Variants in MED12L observed in about 807,000 individuals in gnomAD.
The protein encoded by MED12L is mediator of RNA polymerase II transcription subunit 12-like protein.
In MED12L, 60 loss-of-function variants were observed where a neutral mutation model predicts 281.3. The observed-to-expected ratio is 0.21, with a 90% CI of 0.17 to 0.26. The LOEUF (loss-of-function observed/expected upper bound fraction) is 0.26, where lower values mean the gene tolerates loss of function less well. Among genes scored for constraint, MED12L ranks in the 10% least tolerant of loss-of-function variants. The pLI is 1.00. For missense variants in MED12L, 2,146 were observed against 2,680.9 expected, an observed-to-expected ratio of 0.80 and a Z score of 4.41; for synonymous variants, 974 against 987.2, an observed-to-expected ratio of 0.99 and a Z score of 0.25.
At chr3:151,409,097 G>A (rs1716671855) in intron 39 of MED12L, 146 bp from the exon 40 acceptor site, 1 of 620,354 alleles carries the variant, frequency 1.6e-6, no homozygotes, top group African/African-American at 1.9e-5. Context: ...ATATTGATGA[G>A]AAATAATATT....
At chr3:151,140,579 G>C (rs1233401508) in intron 5 of MED12L, among the ~76,000 whole-genome samples, 2 of 152,196 alleles carry the variant, frequency 1.3e-5, no homozygotes, top group Non-Finnish European at 2.9e-5. Context: ...TTCCAAGTTA[G>C]AATGCTGGTG....
rs1719696828 is a variant in MED12L, at chr3:151,432,937, C to T, written c.*133C>T. 3.7e-6 allele frequency: 2 copies of T among 546,132 alleles called. No individual in the cohort carries two copies. Among genetic ancestry groups the T allele is most frequent in the Non-Finnish European group, 5.7e-6 (2 of 350,910 alleles). The allele number at this position is 546,132 out of a possible 1,614,324, so 33.8% of individuals were successfully genotyped here. ...CATTTTACTATATTTTATGCTACATCTCACAAAAAAAAAAAAAGGTGTTTA... is the reference window on the plus strand; with the variant it reads ...CATTTTACTATATTTTATGCTACATTTCACAAAAAAAAAAAAAGGTGTTTA... On this transcript the variant is annotated 3_prime_UTR_variant, in exon 45 of 45. Coordinates refer to ENST00000687756, the MANE Select transcript of MED12L (RefSeq NM_001393769.1).
At position 151,369,367 on chromosome 3, in the gene MED12L, G is replaced by T. The variant is rs1755899624; in HGVS notation, c.3551-69G>T. ...ACAGTCTAACAATGAAAGGCTGACT[G>T]CCTGTAAATAATTACAAAACATTAC... On this transcript the variant is annotated intron_variant, in intron 25 of 44. Coordinates refer to ENST00000687756, the MANE Select transcript of MED12L (RefSeq NM_001393769.1). 4 of 1,072,904 alleles carry T rather than the reference G, an allele frequency of 3.7e-6. No homozygotes were observed. In the Admixed American group the frequency reaches 6.6e-5, roughly 18 times the overall value. 66.5% of individuals were successfully genotyped at this position (1,072,904 alleles called of 1,614,324 possible).
intron 11 of MED12L, 46 bp downstream of exon 11, chr3:151,166,028 G>GT (rs750834117): frequency 1.1e-5 from 17 of 1,529,602 alleles, no homozygotes; most frequent in African/African-American, 2.8e-5. Flanking sequence ...TTTTCATAGT[G>GT]TTTTTTTCTT....
At chr3:151,187,991 G>A (rs1017352685) in intron 12 of MED12L, 1 of 158,274 alleles carries the variant, frequency 6.3e-6, no homozygotes, top group African/African-American at 2.4e-5. Context: ...ATGTAATACT[G>A]TGCAGAGTTT....
At chr3:151,339,858 G>T (rs1161885432) in intron 16 of MED12L, among the ~76,000 whole-genome samples, 1 of 152,046 alleles carries the variant, frequency 6.6e-6, no homozygotes, top group Non-Finnish European at 1.5e-5. Context: ...AATGACGTTT[G>T]TAATCTTTTT....
chr3:151,097,318 G>A (rs1222730629), intron 2 of MED12L, among the ~76,000 whole-genome samples: 1 of 152,148 alleles, frequency 6.6e-6, no homozygotes, highest in Non-Finnish European at 1.5e-5. Context: ...AAAAATATTA[G>A]CCATTGGATT....
intron 16 of MED12L, among the ~76,000 whole-genome samples, chr3:151,335,171 C>T (rs1028814407): frequency 6.6e-6 from 1 of 152,038 alleles, no homozygotes; most frequent in Non-Finnish European, 1.5e-5. Context: ...ATATACAATA[C>T]AGTATTTTTA....
At chr3:151,380,280 A>G in intron 32 of MED12L, 56 bp downstream of exon 32, 2 of 1,215,592 alleles carry the variant, frequency 1.6e-6, no homozygotes, top group South Asian at 2.7e-5. Context: ...GCATTCATTT[A>G]TTTGCCTTTC....
rs1383062666 is a variant in MED12L at position 151,436,410 on chromosome 3, TTTG to T, written c.*3609_*3611del. The T allele has an allele frequency of 5.4e-5, 14 of 258,328 alleles. No individual in the cohort carries two copies. The highest frequency in any genetic ancestry group is 1.5e-3 in the Middle Eastern group (1 of 668). The allele number at this position is 258,328 out of a possible 1,614,324, so 16.0% of individuals were successfully genotyped here. On this transcript the variant is annotated 3_prime_UTR_variant, in exon 45 of 45. Coordinates refer to ENST00000687756, the MANE Select transcript of MED12L (RefSeq NM_001393769.1). ...CTGAAAAATTCAGGTACATTAGCCA[TTTG>T]TTATTTTATAGTGAACCGTTTCAAT... is the stretch of plus-strand genomic sequence containing the variant.
At chr3:151,089,097 C>CA (rs1489174982) in intron 2 of MED12L, among the ~76,000 whole-genome samples, 3 of 152,116 alleles carry the variant, frequency 2.0e-5, no homozygotes, top group Admixed American at 1.3e-4. Flanking sequence ...TACTTTTATT[C>CA]TGAAGTTTTC....
chr3:151,276,479 T>C (rs954793723), intron 16 of MED12L, among the ~76,000 whole-genome samples: 1 of 152,218 alleles, frequency 6.6e-6, no homozygotes, highest in African/African-American at 2.4e-5. Context: ...TCAGCCTACC[T>C]CCTGGACTGG....
chr3:151,227,186 A>G (rs1730684957), intron 16 of MED12L, among the ~76,000 whole-genome samples: 1 of 152,256 alleles, frequency 6.6e-6, no homozygotes, highest in Non-Finnish European at 1.5e-5. Flanking sequence ...GTGTGGCCAC[A>G]TACTTTCATT....
At chr3:151,213,631 T>A in intron 16 of MED12L, 1 of 1,614,158 alleles carries the variant, frequency 6.2e-7, no homozygotes, top group Non-Finnish European at 8.5e-7. Flanking sequence ...GCTAGATTTC[T>A]TTTTGACCGA....
intron 16 of MED12L, chr3:151,300,212 G>T (rs1745717056): frequency 1.3e-6 from 1 of 783,198 alleles, no homozygotes; most frequent in Non-Finnish European, 2.3e-6. Context: ...GGGAGAAAAT[G>T]AAAAATGAGG....
In MED12L at chr3:151,154,271, AGGGCTTTATTTAT is replaced by A. The variant is rs1170110830; in HGVS notation, c.557-1887_557-1875del. Among the ~76,000 whole-genome samples, 22 of 152,282 alleles carry A rather than the reference AGGGCTTTATTTAT, an allele frequency of 1.4e-4. No individual in the cohort carries two copies. In the South Asian group the frequency reaches 4.4e-3, roughly 30 times the overall value. ...AATACACTTAAAGCACAGGGTTAAG[AGGGCTTTATTTAT>A]GGACTCCCAAAAGGAGTTCAGATTG... is the stretch of plus-strand genomic sequence containing the variant. On this transcript the variant is annotated intron_variant, in intron 5 of 44. Transcript: ENST00000687756.
chr3:151,330,543 A>C (rs539820210), intron 16 of MED12L, among the ~76,000 whole-genome samples: 1 of 152,238 alleles, frequency 6.6e-6, no homozygotes, highest in African/African-American at 2.4e-5. Flanking sequence ...AAATTAGGAG[A>C]TCTTACGGAG....
At chr3:151,214,271 G>T in intron 16 of MED12L, 1 of 1,614,022 alleles carries the variant, frequency 6.2e-7, no homozygotes, top group Non-Finnish European at 8.5e-7. Context: ...AGGAGGTTCT[G>T]AGAGCAGGAT....
chr3:151,281,326 C>G (rs900263832), intron 16 of MED12L, among the ~76,000 whole-genome samples: 4 of 150,462 alleles, frequency 2.7e-5, no homozygotes, highest in African/African-American at 9.8e-5. Flanking sequence ...AGGAGAATCA[C>G]TCGAACCCGG....
Sources: allele counts gnomAD v4.1 joint callset (sites outside exome capture counted in the v4.1 genomes callset), GRCh38; gene constraint gnomAD v4.1.1; transcripts MANE v1.5; gene names NCBI Gene and HGNC (gene_info 2026-07-23, HGNC 2026-07-21).